The following ASTN2 variants were observed in gnomAD, a reference collection of about 807,000 sequenced individuals.
The protein encoded by ASTN2 is astrotactin 2, also known as astrotactin-2.
In ASTN2, 54 loss-of-function variants were observed where a neutral mutation model predicts 139.8. The ratio of observed to expected loss-of-function variants is 0.39; its 90% CI spans 0.31 to 0.48. ASTN2 has a LOEUF of 0.48. Among genes scored for constraint, ASTN2 ranks in the 20% least tolerant of loss-of-function variants. The pLI, the probability that ASTN2 is intolerant of heterozygous loss-of-function variation, is 0.95. For missense variants in ASTN2, 1,565 were observed against 1,725.1 expected, an observed-to-expected ratio of 0.91 and a Z score of 1.64; for synonymous variants, 756 against 719.5, an observed-to-expected ratio of 1.05 and a Z score of -0.81.
chr9:116,440,518 A>C, intron 22 of ASTN2, 91 bp downstream of exon 22: 1 of 1,226,672 alleles, frequency 8.2e-7, no homozygotes, highest in Non-Finnish European at 1.2e-6. Context: ...TACTTGATAA[A>C]GCCTAGTCTC....
At chr9:116,797,318 C>A (rs956527285) in intron 13 of ASTN2, among the ~76,000 whole-genome samples, 2 of 152,118 alleles carry the variant, frequency 1.3e-5, no homozygotes, top group Non-Finnish European at 2.9e-5. Context: ...TGATTCCAGC[C>A]CCTATGCTAC....
intron 19 of ASTN2, among the ~76,000 whole-genome samples, chr9:116,616,348 T>G (rs1855855004): frequency 6.6e-6 from 1 of 151,952 alleles, no homozygotes; most frequent in Non-Finnish European, 1.5e-5. Flanking sequence ...AGAGAATGAG[T>G]GAGTGCACTA....
chr9:116,551,704 C>T (rs928058501), intron 19 of ASTN2, among the ~76,000 whole-genome samples: 23 of 152,294 alleles, frequency 1.5e-4, no homozygotes, highest in African/African-American at 5.5e-4. Context: ...TCACTCATAA[C>T]CCATGGATCC....
At chr9:116,873,774 G>T (rs1833224837) in intron 10 of ASTN2, among the ~76,000 whole-genome samples, 1 of 152,108 alleles carries the variant, frequency 6.6e-6, no homozygotes, top group Non-Finnish European at 1.5e-5. Flanking sequence ...TCTCGTGATA[G>T]TGAGTGAATT....
At chr9:116,686,747 C>G in intron 16 of ASTN2, 1 of 1,550,624 alleles carries the variant, frequency 6.4e-7, no homozygotes, top group Non-Finnish European at 8.7e-7. Context: ...AAGTCTGCCT[C>G]TGCTGTCGGC....
At chr9:117,252,664 C>T (rs1833571279) in intron 2 of ASTN2, among the ~76,000 whole-genome samples, 1 of 152,196 alleles carries the variant, frequency 6.6e-6, no homozygotes, top group Non-Finnish European at 1.5e-5. Flanking sequence ...ATCAGCAATT[C>T]TATGAGGCAG....
At chr9:116,749,195 T>C (rs1829332936) in intron 13 of ASTN2, among the ~76,000 whole-genome samples, 1 of 152,098 alleles carries the variant, frequency 6.6e-6, no homozygotes, top group Non-Finnish European at 1.5e-5. Flanking sequence ...GACCTGAAAA[T>C]AGCAGGCTCT....
At chr9:116,532,345 T>C (rs1244249005) in intron 19 of ASTN2, among the ~76,000 whole-genome samples, 2 of 152,260 alleles carry the variant, frequency 1.3e-5, no homozygotes, top group Non-Finnish European at 2.9e-5. Context: ...CCTTTTGCTG[T>C]GCAGAAGCTC....
At chr9:116,730,838 C>T (rs1032753116) in intron 14 of ASTN2, among the ~76,000 whole-genome samples, 3 of 152,110 alleles carry the variant, frequency 2.0e-5, no homozygotes, top group African/African-American at 4.8e-5. Flanking sequence ...TTTGTAAAAC[C>T]ATCTTCTCAC....
At chr9:116,665,441 C>T (rs982151471) in intron 16 of ASTN2, among the ~76,000 whole-genome samples, 3 of 152,072 alleles carry the variant, frequency 2.0e-5, no homozygotes, top group African/African-American at 7.2e-5. Context: ...AAACTTACGA[C>T]TTGTTTTTGT....
At chr9:116,963,698 A>C (rs901069639) in intron 10 of ASTN2, among the ~76,000 whole-genome samples, 1 of 152,188 alleles carries the variant, frequency 6.6e-6, no homozygotes, top group Non-Finnish European at 1.5e-5. Flanking sequence ...TTGCTCCTCC[A>C]AGCTCACTCT....
chr9:116,543,051 A>G (rs1473972809), intron 19 of ASTN2, among the ~76,000 whole-genome samples: 1 of 152,078 alleles, frequency 6.6e-6, no homozygotes, highest in East Asian at 1.9e-4. Flanking sequence ...TCTCTTTTAA[A>G]TTGATTATAA....
chr9:116,547,652 C>A (rs964650999), intron 19 of ASTN2: 2 of 152,180 alleles, frequency 1.3e-5, no homozygotes, highest in Non-Finnish European at 1.5e-5. Context: ...ATCAGTTATA[C>A]AGAAAGTTAA....
chr9:117,193,396 C>G (rs552059156), intron 3 of ASTN2, among the ~76,000 whole-genome samples: 58 of 151,910 alleles, frequency 3.8e-4, no homozygotes, highest in Non-Finnish European at 8.4e-4. Context: ...TCCCAGCACT[C>G]TGGGAGGCTG....
intron 19 of ASTN2, among the ~76,000 whole-genome samples, chr9:116,553,709 C>A (rs1254103151): frequency 6.6e-6 from 1 of 152,158 alleles, no homozygotes; most frequent in Non-Finnish European, 1.5e-5. Flanking sequence ...GAGGTAGGGA[C>A]CACAGCACTT....
At chr9:116,777,019 A>C (rs1327809296) in intron 13 of ASTN2, among the ~76,000 whole-genome samples, 1 of 152,208 alleles carries the variant, frequency 6.6e-6, no homozygotes, top group African/African-American at 2.4e-5. Flanking sequence ...CAAAAAATTG[A>C]ATAGCATTTC....
At chr9:117,159,417 T>G (rs528441601) in intron 3 of ASTN2, among the ~76,000 whole-genome samples, 1 of 152,156 alleles carries the variant, frequency 6.6e-6, no homozygotes, top group South Asian at 2.1e-4. Context: ...GGAAGGCGGA[T>G]GAAGGTTGAT....
Position 117,248,292 on chromosome 9 carries a change from T to A in ASTN2, c.631-33550A>T, listed in dbSNP as rs150281156. 2.0e-5 allele frequency among the ~76,000 whole-genome samples: 3 copies of A among 152,322 alleles called. No homozygotes were observed. In the East Asian group the frequency reaches 5.8e-4, roughly 29 times the overall value. ...TAGCAAGGACAAAGGCCATAGTGGATTCTTGGAGAAGCTGAAATGTGAGTT... is the reference window on the plus strand; with the variant it reads ...TAGCAAGGACAAAGGCCATAGTGGAATCTTGGAGAAGCTGAAATGTGAGTT... On this transcript the variant is annotated intron_variant, in intron 2 of 22. Coordinates refer to ENST00000313400, the MANE Select transcript of ASTN2 (RefSeq NM_001365068.1).
intron 1 of ASTN2, among the ~76,000 whole-genome samples, chr9:117,372,710 A>G (rs1308254818): frequency 6.6e-6 from 1 of 152,162 alleles, no homozygotes; most frequent in Non-Finnish European, 1.5e-5. Context: ...TTATTAATAG[A>G]TTTAAAAATT....
Sources: gnomAD v4.1 joint callset for allele counts (sites outside exome capture counted in the v4.1 genomes callset) on GRCh38, gnomAD v4.1.1 for gene constraint, MANE v1.5 for transcripts, NCBI Gene and HGNC (gene_info 2026-07-23, HGNC 2026-07-21) for gene names.